Variants in RAB7B observed in about 807,000 individuals in gnomAD.
RAB7B encodes ras-related protein Rab-7b.
chr1:205,992,146 A>G (rs1419898774), intron 4 of RAB7B, among the ~76,000 whole-genome samples: 1 of 152,144 alleles, frequency 6.6e-6, no homozygotes, highest in African/African-American at 2.4e-5. Flanking sequence ...AATTACCTTT[A>G]GTTCTCAGCT....
At chr1:205,981,278 T>C (rs1443407965) in intron 5 of RAB7B, among the ~76,000 whole-genome samples, 7 of 152,230 alleles carry the variant, frequency 4.6e-5, no homozygotes, top group Non-Finnish European at 1.0e-4. Context: ...CTTTAATTAT[T>C]AGGGCATCCT....
chr1:205,996,068 C>G (rs1436708821), intron 1 of RAB7B, among the ~76,000 whole-genome samples: 2 of 146,344 alleles, frequency 1.4e-5, no homozygotes, highest in African/African-American at 5.2e-5. Context: ...ATTTTTTTCT[C>G]TATGCTTTTT....
At chr1:205,985,799 TCCCCACCAG>T in intron 4 of RAB7B, 134 bp from the exon 5 acceptor site, 1 of 356,256 alleles carries the variant, frequency 2.8e-6, no homozygotes, top group East Asian at 4.6e-5. Flanking sequence ...AGGCCCACCA[TCCCCACCAG>T]GCCCACCAGG....
chr1:205,999,506 CTT>C (rs1426917753), intron 1 of RAB7B, among the ~76,000 whole-genome samples: 9 of 152,136 alleles, frequency 5.9e-5, no homozygotes, highest in Non-Finnish European at 1.2e-4. Context: ...GGGAAACACT[CTT>C]ATATATTGTT....
At chr1:205,989,604 C>T (rs1223795937) in intron 4 of RAB7B, among the ~76,000 whole-genome samples, 8 of 152,060 alleles carry the variant, frequency 5.3e-5, no homozygotes, top group African/African-American at 1.7e-4. Flanking sequence ...TCCTGTGCCC[C>T]GATCTCCTTT....
intron 5 of RAB7B, among the ~76,000 whole-genome samples, chr1:205,982,918 C>A (rs1039226288): frequency 1.3e-5 from 2 of 152,208 alleles, no homozygotes; most frequent in Non-Finnish European, 2.9e-5. Context: ...ATTTTACATT[C>A]TATGCCCTAG....
chr1:205,981,207 G>A (rs889016326), intron 5 of RAB7B, among the ~76,000 whole-genome samples: 6 of 152,252 alleles, frequency 3.9e-5, no homozygotes, highest in Non-Finnish European at 5.9e-5. Flanking sequence ...AGCCAGCATT[G>A]CTAACTTTCT....
chr1:205,980,697 A>G (rs1472923342), intron 5 of RAB7B, among the ~76,000 whole-genome samples: 1 of 152,128 alleles, frequency 6.6e-6, no homozygotes, highest in Non-Finnish European at 1.5e-5. Context: ...GGATGTGGTG[A>G]TTCTGTCTTT....
intron 5 of RAB7B, among the ~76,000 whole-genome samples, chr1:205,980,355 G>C (rs1660467263): frequency 1.3e-5 from 2 of 152,232 alleles, no homozygotes; most frequent in South Asian, 4.1e-4. Context: ...TCATCGCTGA[G>C]CTCTTTCCGT....
rs970865066 is a variant in RAB7B, at chr1:205,978,386, C to G, written c.*465G>C. On this transcript the variant is annotated 3_prime_UTR_variant, in exon 6 of 6. Coordinates refer to ENST00000617070, the MANE Select transcript of RAB7B (RefSeq NM_001164522.3). ...CCAGACCTTTACTCCTTAGTCTGCT[C>G]GTTGAAGGAGGCTGAGCTGTGCCAT... 6.6e-6 allele frequency: 1 copy of G among 152,592 alleles called. No homozygotes were observed. Among genetic ancestry groups the G allele is most frequent in the Non-Finnish European group, 1.5e-5 (1 of 68,394 alleles). The allele number at this position is 152,592 out of a possible 1,614,324, so 9.5% of individuals were successfully genotyped here.
chr1:205,998,633 C>T (rs1660845284), intron 1 of RAB7B, among the ~76,000 whole-genome samples: 1 of 152,180 alleles, frequency 6.6e-6, no homozygotes, highest in African/African-American at 2.4e-5. Flanking sequence ...GCATGCTAGG[C>T]AGAGGGCAAT....
At chr1:205,988,210 A>T (rs1221670564) in intron 4 of RAB7B, among the ~76,000 whole-genome samples, 2 of 145,012 alleles carry the variant, frequency 1.4e-5, no homozygotes, top group African/African-American at 5.0e-5. Flanking sequence ...TGTATATATG[A>T]TGTATGTATG....
Position 205,977,537 on chromosome 1 carries a change from C to T in RAB7B, c.*1314G>A, listed in dbSNP as rs1477969308. 2 of 152,230 alleles carry T rather than the reference C, an allele frequency of 1.3e-5. No individual in the cohort carries two copies. The highest frequency in any genetic ancestry group is 6.5e-5 in the Admixed American group (1 of 15,280). 9.4% of individuals were successfully genotyped at this position (152,230 alleles called of 1,614,324 possible). A position where few individuals can be genotyped will look rare whatever the true frequency, so the allele number is the denominator to read the frequency against. On this transcript the variant is annotated 3_prime_UTR_variant, in exon 6 of 6. Coordinates refer to ENST00000617070, the MANE Select transcript of RAB7B (RefSeq NM_001164522.3). ...CTCCTAAAACCTTCATGAGCATCCA[C>T]TTTCTGCTCAGCCTGGAAGAGAAGG... is the stretch of plus-strand genomic sequence containing the variant.
intron 1 of RAB7B, among the ~76,000 whole-genome samples, chr1:206,001,963 T>C (rs1469603124): frequency 2.0e-5 from 3 of 152,320 alleles, no homozygotes; most frequent in East Asian, 3.9e-4. Flanking sequence ...GGGGTATCAC[T>C]TCTGCTGACA....
chr1:205,994,845 A>C lies in RAB7B; in HGVS notation c.-16-694T>G, dbSNP rs1027296596. Among the ~76,000 whole-genome samples the C allele has an allele frequency of 1.7e-4, 26 of 152,330 alleles. No individual in the cohort carries two copies. The East Asian group carries it at 4.8e-3, about 28-fold the overall frequency. On this transcript the variant is annotated intron_variant, in intron 1 of 5. Coordinates refer to ENST00000617070, the MANE Select transcript of RAB7B (RefSeq NM_001164522.3). The stretch of plus-strand genomic sequence containing the variant: ...CCAACACTAAAGCAGTGGTTAAATC[A>C]TAGCACACAATGAATTATTAAGCAG...
intron 4 of RAB7B, among the ~76,000 whole-genome samples, chr1:205,989,215 C>T (rs1264190866): frequency 1.3e-5 from 2 of 152,128 alleles, no homozygotes; most frequent in African/African-American, 2.4e-5. Context: ...CCTAGAGTCA[C>T]GCTTCCCCAG....
chr1:205,982,549 C>A (rs1161252105), intron 5 of RAB7B, among the ~76,000 whole-genome samples: 1 of 152,174 alleles, frequency 6.6e-6, no homozygotes, highest in African/African-American at 2.4e-5. Context: ...TTTTATTTAA[C>A]CCTCACAGTA....
At chr1:206,000,818 C>T (rs1439734081) in intron 1 of RAB7B, among the ~76,000 whole-genome samples, 2 of 152,240 alleles carry the variant, frequency 1.3e-5, no homozygotes, top group Non-Finnish European at 1.5e-5. Flanking sequence ...TGCCAAGCAC[C>T]ACCCTGTGCT....
rs1660388834 is a variant in RAB7B at position 205,976,966 on chromosome 1, CCT to C, written c.*1883_*1884del. 6.6e-6 allele frequency: 1 copy of C among 152,194 alleles called. No individual in the cohort carries two copies. The highest frequency in any genetic ancestry group is 2.1e-4 in the South Asian group (1 of 4,830). 9.4% of individuals were successfully genotyped at this position (152,194 alleles called of 1,614,324 possible). ...TAGAGCTTGTGCTCTAGGCTGCCCC[CCT>C]GTTCCCGTGCTGGCTCCATGCTGGT... On this transcript the variant is annotated 3_prime_UTR_variant, in exon 6 of 6. Coordinates refer to ENST00000617070, the MANE Select transcript of RAB7B (RefSeq NM_001164522.3).
Sources: allele counts gnomAD v4.1 joint callset (sites outside exome capture counted in the v4.1 genomes callset), GRCh38; gene constraint gnomAD v4.1.1; transcripts MANE v1.5; gene names NCBI Gene and HGNC (gene_info 2026-07-23, HGNC 2026-07-21).